The following ADCY2 variants were observed in gnomAD, a reference collection of about 807,000 sequenced individuals.
The protein encoded by ADCY2 is adenylate cyclase type 2.
In ADCY2, 31 loss-of-function variants were observed where a neutral mutation model predicts 125.2. That is an observed-to-expected ratio of 0.25 (90% CI 0.19 to 0.33). The LOEUF is 0.33. Ranked by LOEUF, ADCY2 falls within the 10% of genes least tolerant of loss-of-function variation. The pLI is 1.00. For missense variants in ADCY2, 904 were observed against 1,418.2 expected, an observed-to-expected ratio of 0.64 and a Z score of 5.82; for synonymous variants, 512 against 548.4, an observed-to-expected ratio of 0.93 and a Z score of 0.93.
chr5:7,743,305 G>T (rs1017368964), intron 14 of ADCY2, among the ~76,000 whole-genome samples: 2 of 151,906 alleles, frequency 1.3e-5, no homozygotes, highest in African/African-American at 4.8e-5. Flanking sequence ...CCTTAAGGCG[G>T]CAGCTGCCAG....
intron 2 of ADCY2, among the ~76,000 whole-genome samples, chr5:7,487,807 CT>C (rs1005779487): frequency 2.6e-5 from 4 of 152,220 alleles, no homozygotes; most frequent in Admixed American, 2.6e-4. Context: ...AAATATGGTA[CT>C]TTTGAGTCAT....
chr5:7,614,030 A>G (rs892520792), intron 3 of ADCY2, among the ~76,000 whole-genome samples: 8 of 152,238 alleles, frequency 5.3e-5, no homozygotes, highest in African/African-American at 1.4e-4. Context: ...TGAAGAATTA[A>G]TATAACTCTA....
intron 4 of ADCY2, among the ~76,000 whole-genome samples, chr5:7,647,344 G>A (rs765908495): frequency 6.6e-6 from 1 of 152,140 alleles, no homozygotes; most frequent in Non-Finnish European, 1.5e-5. Context: ...GAGTCACAGA[G>A]CAGGCCACGT....
rs1207489379 is a variant in ADCY2, at chr5:7,540,064, C to T, written c.570+19165C>T. 3.9e-5 allele frequency among the ~76,000 whole-genome samples: 6 copies of T among 152,130 alleles called. No homozygotes were observed. In the East Asian group the frequency reaches 5.8e-4, roughly 15 times the overall value. On this transcript the variant is annotated intron_variant, in intron 3 of 24. Coordinates refer to ENST00000338316, the MANE Select transcript of ADCY2 (RefSeq NM_020546.3). ...TGGAGCTGGAGGCCATTATCCTTAG[C>T]AAACTAATGCAGGAACAGAAAACTG...
rs143462046 is a variant in ADCY2 at position 7,707,999 on chromosome 5, A to C, written c.1401+161A>C. The C allele has an allele frequency of 1.0e-3, 759 of 755,628 alleles. 7 individuals are homozygous for C. In the African/African-American group the frequency reaches 0.012, roughly 12 times the overall value. 46.8% of individuals were successfully genotyped at this position (755,628 alleles called of 1,614,324 possible). A position where few individuals can be genotyped will look rare whatever the true frequency, so the allele number is the denominator to read the frequency against. On this transcript the variant is annotated intron_variant, in intron 9 of 24. Coordinates refer to ENST00000338316, the MANE Select transcript of ADCY2 (RefSeq NM_020546.3). ...GGTTTAATTACAGAAGATGTTTTGT[A>C]ATTATGAATTCAAATACTTATTAAA...
chr5:7,411,733 A>G (rs1419303021), intron 1 of ADCY2, among the ~76,000 whole-genome samples: 3 of 152,186 alleles, frequency 2.0e-5, no homozygotes, highest in Non-Finnish European at 4.4e-5. Context: ...TACTTTACCC[A>G]GAAAAATAAG....
At chr5:7,525,488 C>A (rs937315087) in intron 3 of ADCY2, among the ~76,000 whole-genome samples, 1 of 152,062 alleles carries the variant, frequency 6.6e-6, no homozygotes, top group Non-Finnish European at 1.5e-5. Context: ...TAAAATCAAC[C>A]CTCTCTGATT....
chr5:7,725,717 C>T (rs1196948836), intron 13 of ADCY2, among the ~76,000 whole-genome samples: 1 of 152,082 alleles, frequency 6.6e-6, no homozygotes, highest in Non-Finnish European at 1.5e-5. Flanking sequence ...TGCACAAAGG[C>T]CTGAAGAAGT....
At chr5:7,545,899 G>T (rs1486461415) in intron 3 of ADCY2, among the ~76,000 whole-genome samples, 1 of 152,148 alleles carries the variant, frequency 6.6e-6, no homozygotes, top group Admixed American at 6.5e-5. Context: ...GCTTCTCCAG[G>T]CAAGTTGTCT....
chr5:7,683,737 T>G (rs1027624814), intron 4 of ADCY2, among the ~76,000 whole-genome samples: 1 of 152,154 alleles, frequency 6.6e-6, no homozygotes, highest in Non-Finnish European at 1.5e-5. Flanking sequence ...TGTACATAAC[T>G]GCATCATGTA....
chr5:7,458,505 T>C (rs921597787), intron 2 of ADCY2, among the ~76,000 whole-genome samples: 1 of 152,134 alleles, frequency 6.6e-6, no homozygotes, highest in Non-Finnish European at 1.5e-5. Context: ...AATATGCGTT[T>C]AGGAAAAATA....
intron 4 of ADCY2, among the ~76,000 whole-genome samples, chr5:7,641,021 A>T (rs903087746): frequency 1.3e-5 from 2 of 152,182 alleles, no homozygotes; most frequent in African/African-American, 2.4e-5. Flanking sequence ...AGAGATGAGA[A>T]ATTTGAAAAG....
rs374187517 is a variant in ADCY2, at chr5:7,507,461, A to AAAAAAAAAT, written c.409-13277_409-13276insAAAAAAAAT. Among the ~76,000 whole-genome samples, 1,030 of 114,000 alleles carry AAAAAAAAAT rather than the reference A, an allele frequency of 9.0e-3. 96 individuals are homozygous for AAAAAAAAAT. Among genetic ancestry groups the AAAAAAAAAT allele is most frequent in the African/African-American group, 0.033 (988 of 30,014 alleles). 74.8% of individuals were successfully genotyped at this position (114,000 alleles called of 152,430 possible). ...GTCTCAAAAAAAAAAAAAAAAAAAA[A>AAAAAAAAAT]GGTAACAAAGCCACTTTTGTAAAAA... is the stretch of plus-strand genomic sequence containing the variant. On this transcript the variant is annotated intron_variant, in intron 2 of 24. Transcript: ENST00000338316.
At chr5:7,400,580 C>A (rs1739226199) in intron 1 of ADCY2, among the ~76,000 whole-genome samples, 1 of 152,204 alleles carries the variant, frequency 6.6e-6, no homozygotes. Context: ...GAAGAATCAC[C>A]TCCTTCCTTG....
chr5:7,492,869 A>T (rs1743212867), intron 2 of ADCY2, among the ~76,000 whole-genome samples: 1 of 152,184 alleles, frequency 6.6e-6, no homozygotes, highest in Admixed American at 6.5e-5. Flanking sequence ...GGGCTCTTCC[A>T]CCTGCATTCA....
chr5:7,405,652 C>T (rs568494099), intron 1 of ADCY2, among the ~76,000 whole-genome samples: 66 of 152,276 alleles, frequency 4.3e-4, no homozygotes, highest in African/African-American at 1.6e-3. Context: ...CATGCACCTG[C>T]CATTAGATTG....
At chr5:7,599,563 GT>G (rs1737126602) in intron 3 of ADCY2, among the ~76,000 whole-genome samples, 1 of 152,182 alleles carries the variant, frequency 6.6e-6, no homozygotes, top group African/African-American at 2.4e-5. Context: ...GCAGCTGGCT[GT>G]GATTGATCAT....
chr5:7,536,286 C>T (rs1385221029), intron 3 of ADCY2, among the ~76,000 whole-genome samples: 1 of 152,222 alleles, frequency 6.6e-6, no homozygotes, highest in African/African-American at 2.4e-5. Context: ...CAGTGGAACA[C>T]ATTTCCACCC....
intron 7 of ADCY2, among the ~76,000 whole-genome samples, chr5:7,706,110 C>T (rs150271938): frequency 1.8e-4 from 27 of 152,248 alleles, no homozygotes; most frequent in Non-Finnish European, 3.5e-4. Context: ...ATAAGCATTG[C>T]CAAGCATTTC....
Sources: gnomAD v4.1 joint callset for allele counts (sites outside exome capture counted in the v4.1 genomes callset) on GRCh38, gnomAD v4.1.1 for gene constraint, MANE v1.5 for transcripts, NCBI Gene and HGNC (gene_info 2026-07-23, HGNC 2026-07-21) for gene names.